Variants in GREB1 observed in about 807,000 individuals in gnomAD.
GREB1 encodes the protein growth regulating estrogen receptor binding 1.
A neutral mutation model predicts 200.7 loss-of-function variants in GREB1; 106 were observed. The observed-to-expected ratio is 0.53, with a 90% CI of 0.45 to 0.62. The LOEUF is 0.62. GREB1 is among the 20% of genes least tolerant of loss of function. The pLI is 0.00. For synonymous variants in GREB1, 1,132 were observed against 1,092.4 expected (o/e 1.04, Z -0.72); for missense variants, 2,243 against 2,556.8 (o/e 0.88, Z 2.65).
At chr2:11,526,034 G>C (rs1291231457) in intron 1 of GREB1, among the ~76,000 whole-genome samples, 1 of 152,210 alleles carries the variant, frequency 6.6e-6, no homozygotes, top group Non-Finnish European at 1.5e-5. Context: ...TCAGACATTT[G>C]AGAGGGTTTC....
intron 1 of GREB1, among the ~76,000 whole-genome samples, chr2:11,506,593 A>G (rs875231): frequency 0.98 from 149,669 of 152,334 alleles, 73,553 homozygotes; most frequent in South Asian, 1. Flanking sequence ...GTTAGGAATT[A>G]GAGGTGGATT....
rs768425533 is a variant in GREB1, at chr2:11,620,988, C to T, written c.4128C>T (p.Asp1376=). ...LVRLTEVDVY[D]EEEININLRE... is the part of the protein sequence containing the mutation. ...GGCTCACAGAAGTGGATGTCTATGA[C>T]GAGGAGGAGATCAATATCAGTGAGT... The change falls in exon 23 of 33, where the codon GAC becomes GAT. Residue 1376 remains aspartate (D), a synonymous_variant. Coordinates refer to ENST00000381486, the MANE Select transcript of GREB1 (RefSeq NM_014668.4). The T allele has an allele frequency of 1.1e-5, 17 of 1,603,966 alleles. No individual in the cohort carries two copies. Among genetic ancestry groups the T allele is most frequent in the East Asian group, 2.2e-5 (1 of 44,860 alleles).
intron 19 of GREB1, 53 bp downstream of exon 19, chr2:11,612,663 C>A: frequency 2.5e-6 from 3 of 1,181,404 alleles, no homozygotes; most frequent in East Asian, 2.3e-5. Context: ...GCTGCCTGGG[C>A]CCCCTCAAGG....
At position 11,534,132 on chromosome 2, in the gene GREB1, A is replaced by G. The variant is rs116805626; in HGVS notation, c.-284A>G. 4.9e-4 allele frequency: 74 copies of G among 152,324 alleles called. No individual in the cohort carries two copies. The highest frequency in any genetic ancestry group is 1.6e-3 in the African/African-American group (66 of 41,560). The allele number at this position is 152,324 out of a possible 1,614,324, so 9.4% of individuals were successfully genotyped here. On this transcript the variant is annotated 5_prime_UTR_variant, in exon 1 of 33. The change abolishes an upstream ATG in the 5' untranslated region. Transcript: ENST00000381486. Reference sequence around the variant, plus strand: ...AGGTAAATGAAATAAAGTTTTTTCAATGGAAGGCTTGCAGCTCTTGAGGAC... The same window carrying G: ...AGGTAAATGAAATAAAGTTTTTTCAGTGGAAGGCTTGCAGCTCTTGAGGAC...
chr2:11,603,890 A>T (rs769538612), intron 17 of GREB1, among the ~76,000 whole-genome samples: 2 of 152,266 alleles, frequency 1.3e-5, no homozygotes, highest in Non-Finnish European at 2.9e-5. Context: ...GATAGGAAAT[A>T]CTGTTATCTC....
Position 11,597,932 on chromosome 2 carries a change from C to A in GREB1, c.2106C>A (p.Pro702=). Residue 702 remains proline (P), a synonymous_variant, in exon 14 of 33, where the codon CCC becomes CCA. Transcript: ENST00000381486. The surrounding 1 kb of genome is among the most constrained non-coding windows in gnomAD (Gnocchi z 4.1). The part of the protein sequence containing the change: ...EKVDFLICIP[P]SEVTYQQTLL... The stretch of plus-strand genomic sequence containing the variant: ...TGGACTTTCTCATTTGCATTCCCCC[C>A]TCAGAAGTGACCTACCAGCAGACTC... 6.2e-7 allele frequency: 1 copy of A among 1,614,206 alleles called. No homozygotes were observed. Among genetic ancestry groups the A allele is most frequent in the African/African-American group, 1.3e-5 (1 of 75,056 alleles).
chr2:11,565,744 C>T (rs532000086), intron 3 of GREB1, among the ~76,000 whole-genome samples: 63 of 152,262 alleles, frequency 4.1e-4, no homozygotes, highest in African/African-American at 1.3e-3. Context: ...GTGTCCTGGC[C>T]GCCAGTCCTC....
intron 1 of GREB1, among the ~76,000 whole-genome samples, chr2:11,483,542 G>A (rs1216146342): frequency 2.0e-5 from 3 of 151,952 alleles, no homozygotes; most frequent in Non-Finnish European, 4.4e-5. Context: ...AGAAAATTTT[G>A]GGGTATCTTT....
At chr2:11,635,872 A>G (rs1685275523) in intron 30 of GREB1, among the ~76,000 whole-genome samples, 2 of 152,196 alleles carry the variant, frequency 1.3e-5, no homozygotes, top group Non-Finnish European at 2.9e-5. Context: ...AAGACGTAAA[A>G]TCACAGCAAG....
At chr2:11,544,828 T>A (rs1453617039) in intron 1 of GREB1, among the ~76,000 whole-genome samples, 2 of 152,154 alleles carry the variant, frequency 1.3e-5, no homozygotes, top group East Asian at 1.9e-4. Flanking sequence ...TGTGTTTTTT[T>A]AATTGAGACA....
In GREB1 at chr2:11,495,989, G is replaced by A. The variant is rs34665007; in HGVS notation, c.-159+13608G>A. Among the ~76,000 whole-genome samples the A allele has an allele frequency of 4.3e-3, 652 of 152,212 alleles. 8 individuals carry two copies. The highest frequency in any genetic ancestry group is 0.012 in the South Asian group (56 of 4,818). On this transcript the variant is annotated intron_variant, in intron 1 of 2. Transcript: ENST00000628795. ...AGGTGAGGATAACCAGACTGGGAGAGGGTAAGGAGGTCACAGCTCCAAAAA... is the reference window on the plus strand; with the variant it reads ...AGGTGAGGATAACCAGACTGGGAGAAGGTAAGGAGGTCACAGCTCCAAAAA...
At chr2:11,575,495 C>T (rs900039193) in intron 4 of GREB1, among the ~76,000 whole-genome samples, 2 of 152,212 alleles carry the variant, frequency 1.3e-5, no homozygotes, top group Admixed American at 1.3e-4. Context: ...CTTAGAGTCT[C>T]ACAGCTGATG....
rs1343425956 is a variant in GREB1, at chr2:11,526,700, C to A, written c.-158-29757C>A. On this transcript the variant is annotated intron_variant, in intron 1 of 2. Coordinates refer to the GREB1 transcript ENST00000628795. ...CCTCTCGAGCAGCTGGGATTATAGG[C>A]ACCGGCCACCACGACTGGCCAATTT... is the stretch of plus-strand genomic sequence containing the variant. Among the ~76,000 whole-genome samples the A allele has an allele frequency of 2.0e-5, 3 of 151,958 alleles. No homozygotes were observed. In the East Asian group the frequency reaches 5.8e-4, roughly 29 times the overall value.
At chr2:11,501,585 C>A (rs10183402) in intron 1 of GREB1, among the ~76,000 whole-genome samples, 2 of 152,142 alleles carry the variant, frequency 1.3e-5, no homozygotes, top group African/African-American at 4.8e-5. Flanking sequence ...GTAGAGACGG[C>A]GTTTCACTTT....
chr2:11,620,113 A>G (rs1024536998), intron 22 of GREB1, among the ~76,000 whole-genome samples: 8 of 152,164 alleles, frequency 5.3e-5, no homozygotes, highest in Non-Finnish European at 1.0e-4. Context: ...AGTAGCTGGG[A>G]CTACAGGCAG....
At chr2:11,620,263 G>A (rs1181018833) in intron 22 of GREB1, among the ~76,000 whole-genome samples, 1 of 152,154 alleles carries the variant, frequency 6.6e-6, no homozygotes, top group African/African-American at 2.4e-5. Flanking sequence ...GTGTGAGCCA[G>A]GAAACCCACG....
At chr2:11,610,630 C>T (rs937895435) in intron 17 of GREB1, 58 bp from the exon 18 acceptor site, 2 of 1,332,608 alleles carry the variant, frequency 1.5e-6, no homozygotes, top group East Asian at 2.3e-5. Flanking sequence ...GGTGACTTGG[C>T]AGCAGCAGGC....
intron 1 of GREB1, among the ~76,000 whole-genome samples, chr2:11,517,098 G>A (rs1311190866): frequency 6.6e-6 from 1 of 152,196 alleles, no homozygotes; most frequent in Admixed American, 6.5e-5. Context: ...GTGGCCCCAG[G>A]GTCACTTGGA....
chr2:11,500,160 T>TTTTA lies in GREB1; in HGVS notation c.-159+17795_-159+17798dup, dbSNP rs554261323. On this transcript the variant is annotated intron_variant, in intron 1 of 2. Coordinates refer to the GREB1 transcript ENST00000628795. The stretch of plus-strand genomic sequence containing the variant: ...CCATGCCTGGCTAGTTTTTTAAAAC[T>TTTTA]TTTATTTATTTATTTATTTGAGACG... Among the ~76,000 whole-genome samples the TTTTA allele has an allele frequency of 7.5e-3, 1,137 of 152,078 alleles. 4 individuals are homozygous for TTTTA. Among genetic ancestry groups the TTTTA allele is most frequent in the Admixed American group, 0.012 (181 of 15,286 alleles).
Sources: allele counts gnomAD v4.1 joint callset (sites outside exome capture counted in the v4.1 genomes callset), GRCh38; gene constraint gnomAD v4.1.1; non-coding constraint Gnocchi (gnomAD v3.1); transcripts MANE v1.5; gene names NCBI Gene and HGNC (gene_info 2026-07-23, HGNC 2026-07-21).